Variants in CHM observed in about 807,000 individuals in gnomAD.
CHM encodes CHM Rab escort protein.
Under a neutral mutation model 49.0 loss-of-function variants are expected in CHM, and 10 were observed. That is an observed-to-expected ratio of 0.20 (90% CI 0.13 to 0.35). The LOEUF (loss-of-function observed/expected upper bound fraction) is 0.35. CHM is among the 10% of genes least tolerant of loss of function. The pLI is 1.00. For synonymous variants in CHM, 184 were observed against 167.5 expected (o/e 1.10, Z -0.76); for missense variants, 455 against 478.4 (o/e 0.95, Z 0.46).
intron 8 of CHM, among the ~76,000 whole-genome samples, chrX:85,944,269 G>A (rs1031566709): frequency 4.5e-5 from 5 of 112,122 alleles, no homozygotes; most frequent in Non-Finnish European, 7.5e-5. Context: ...TTTGGTCTAA[G>A]AGATGCTTTA....
At chrX:85,911,174 TG>T (rs1236373373) in intron 9 of CHM, 86 bp downstream of exon 9, 2 of 26,066 alleles carry the variant, frequency 7.7e-5, no homozygotes, top group African/African-American at 5.5e-4. Flanking sequence ...TATATATATA[TG>T]AATATATATA....
intron 4 of CHM, among the ~76,000 whole-genome samples, chrX:85,967,049 C>A (rs755070547): frequency 9.0e-6 from 1 of 111,721 alleles, no homozygotes; most frequent in South Asian, 3.7e-4. Context: ...CCTAGCACTA[C>A]GGAAAACACA....
intron 8 of CHM, among the ~76,000 whole-genome samples, chrX:85,913,014 G>GAAA (rs755460793): frequency 1.3e-4 from 5 of 38,239 alleles, no homozygotes; most frequent in African/African-American, 4.9e-4. Context: ...CTCCATCTCA[G>GAAA]AAAAAAAAAA....
At chrX:85,889,077 T>A (rs1282173502) in intron 12 of CHM, among the ~76,000 whole-genome samples, 2 of 111,699 alleles carry the variant, frequency 1.8e-5, no homozygotes, top group Non-Finnish European at 3.8e-5. Flanking sequence ...TTATCAACAG[T>A]GAACATGAAT....
intron 9 of CHM, among the ~76,000 whole-genome samples, chrX:85,907,226 A>C (rs1156792576): frequency 2.7e-5 from 3 of 112,550 alleles, no homozygotes; most frequent in African/African-American, 9.7e-5. Flanking sequence ...TGACATCAAG[A>C]AAGAGTCATA....
At chrX:86,040,030 A>G (rs1237061342) in intron 1 of CHM, among the ~76,000 whole-genome samples, 1 of 112,080 alleles carries the variant, frequency 8.9e-6, no homozygotes, top group African/African-American at 3.2e-5. Flanking sequence ...GATGCCGGAC[A>G]AGAGCTCGGG....
chrX:85,958,009 G>C, intron 6 of CHM, 34 bp from the exon 7 acceptor site: 1 of 1,197,651 alleles, frequency 8.3e-7, no homozygotes, highest in South Asian at 1.8e-5. Flanking sequence ...TTAAGAAACT[G>C]CTTCCTAATG....
intron 13 of CHM, 114 bp downstream of exon 13, chrX:85,878,851 G>T: frequency 1.8e-6 from 1 of 541,841 alleles, no homozygotes; most frequent in Non-Finnish European, 3.2e-6. Flanking sequence ...CATGTGAATT[G>T]TTGTTGAATA....
intron 8 of CHM, among the ~76,000 whole-genome samples, chrX:85,923,905 A>G (rs753673315): frequency 9.0e-6 from 1 of 110,930 alleles, no homozygotes; most frequent in African/African-American, 3.3e-5. Flanking sequence ...AAGAAAATGA[A>G]ATTTCAAAAC....
intron 9 of CHM, among the ~76,000 whole-genome samples, chrX:85,908,795 T>A: frequency 8.9e-6 from 1 of 111,846 alleles, no homozygotes; most frequent in Admixed American, 9.5e-5. Flanking sequence ...GACTGTGTGC[T>A]ATTTAATTTA....
At chrX:85,945,868 C>T (rs1473188034) in intron 8 of CHM, among the ~76,000 whole-genome samples, 2 of 111,779 alleles carry the variant, frequency 1.8e-5, no homozygotes, top group African/African-American at 6.5e-5. Flanking sequence ...GTTATATGGA[C>T]AATGAAGTCC....
intron 12 of CHM, among the ~76,000 whole-genome samples, chrX:85,881,823 A>C (rs1436056460): frequency 1.8e-5 from 2 of 111,944 alleles, no homozygotes; most frequent in Admixed American, 1.9e-4. Context: ...TATTCTGTTT[A>C]ATATTTATTT....
intron 12 of CHM, among the ~76,000 whole-genome samples, chrX:85,883,443 CTGAGTTTGA>C (rs945718674): frequency 2.2e-4 from 25 of 111,205 alleles, no homozygotes; most frequent in African/African-American, 7.5e-4. Flanking sequence ...AAGTAAGGAA[CTGAGTTTGA>C]TGATATATGA....
chrX:85,950,254 C>T (rs1274805982), intron 8 of CHM, among the ~76,000 whole-genome samples: 15 of 104,797 alleles, frequency 1.4e-4, no homozygotes, highest in African/African-American at 5.2e-4. Flanking sequence ...TCAGTAGAAA[C>T]AATACACGGC....
chrX:86,011,217 A>G (rs1462535757), intron 2 of CHM, among the ~76,000 whole-genome samples: 2 of 111,691 alleles, frequency 1.8e-5, no homozygotes, highest in Non-Finnish European at 3.8e-5. Context: ...TACAGTATGA[A>G]AAATGTTATA....
intron 9 of CHM, 114 bp downstream of exon 9, chrX:85,911,147 A>G (rs1420213565): frequency 1.8e-4 from 3 of 17,139 alleles, no homozygotes; most frequent in African/African-American, 3.7e-4. Context: ...ATATATATAT[A>G]TATATATATA....
At chrX:85,913,332 A>AAAAGAAAG (rs541125872) in intron 8 of CHM, among the ~76,000 whole-genome samples, 1,585 of 23,398 alleles carry the variant, frequency 0.068, 141 homozygotes, top group East Asian at 0.13. Context: ...AAAAAAAAAA[A>AAAAGAAAG]AAAGAAAGAA....
At chrX:86,007,654 A>G (rs1932893148) in intron 2 of CHM, among the ~76,000 whole-genome samples, 1 of 112,654 alleles carries the variant, frequency 8.9e-6, no homozygotes, top group South Asian at 3.6e-4. Flanking sequence ...ATACATGAAA[A>G]AATGCTCATC....
chrX:86,012,714 T>C (rs1422955517), intron 2 of CHM, among the ~76,000 whole-genome samples: 1 of 111,546 alleles, frequency 9.0e-6, no homozygotes, highest in Admixed American at 9.6e-5. Context: ...AACCCAGAAG[T>C]TGACCACTTC....
Sources: allele counts gnomAD v4.1 joint callset (sites outside exome capture counted in the v4.1 genomes callset), GRCh38; gene constraint gnomAD v4.1.1; transcripts MANE v1.5; gene names NCBI Gene and HGNC (gene_info 2026-07-23, HGNC 2026-07-21).